The following PPP1R16B variants were observed in gnomAD, a reference collection of about 807,000 sequenced individuals.
The protein encoded by PPP1R16B is protein phosphatase 1 regulatory inhibitor subunit 16B.
A neutral mutation model predicts 61.7 loss-of-function variants in PPP1R16B; 14 were observed. The ratio of observed to expected loss-of-function variants is 0.23; its 90% CI spans 0.15 to 0.35. The LOEUF (loss-of-function observed/expected upper bound fraction) is 0.35. PPP1R16B is among the 10% of genes least tolerant of loss of function. PPP1R16B has a pLI of 1.00. For missense variants in PPP1R16B, 547 were observed against 752.5 expected (o/e 0.73, Z 3.19); for synonymous variants, 266 against 305.3 (o/e 0.87, Z 1.34).
At chr20:38,873,666 A>G (rs1317648504) in intron 2 of PPP1R16B, among the ~76,000 whole-genome samples, 1 of 151,968 alleles carries the variant, frequency 6.6e-6, no homozygotes, top group Non-Finnish European at 1.5e-5. Flanking sequence ...AGGACTGCTA[A>G]GTCCACACTA....
At position 38,902,844 on chromosome 20, in the gene PPP1R16B, C is replaced by A. The variant is rs553075792; in HGVS notation, c.696+52C>A. On this transcript the variant is annotated intron_variant, in intron 6 of 10. Transcript: ENST00000299824. ...CAAGACCAGCTAGGTCCGAAGTGGG[C>A]CAGCACCTGGTGGGGACCAACCCTG... 6.2e-6 allele frequency: 10 copies of A among 1,611,166 alleles called. No individual in the cohort carries two copies. The South Asian group carries it at 1.1e-4, about 18-fold the overall frequency.
At chr20:38,879,064 T>C (rs990227822) in intron 2 of PPP1R16B, among the ~76,000 whole-genome samples, 5 of 152,154 alleles carry the variant, frequency 3.3e-5, no homozygotes, top group African/African-American at 9.7e-5. Context: ...ATCAGGTCCC[T>C]AGGTCTGCAG....
intron 2 of PPP1R16B, among the ~76,000 whole-genome samples, chr20:38,886,241 T>C (rs990827221): frequency 2.6e-5 from 4 of 152,174 alleles, no homozygotes; most frequent in Non-Finnish European, 5.9e-5. Flanking sequence ...CCTTGGCTCA[T>C]GAGTACTAAG....
At chr20:38,870,888 G>C (rs532745036) in intron 2 of PPP1R16B, among the ~76,000 whole-genome samples, 1 of 148,458 alleles carries the variant, frequency 6.7e-6, no homozygotes, top group Non-Finnish European at 1.5e-5. Context: ...CAGCTGTGAC[G>C]GAGACTTATC....
At chr20:38,830,594 G>A (rs934043323) in intron 1 of PPP1R16B, among the ~76,000 whole-genome samples, 14 of 152,168 alleles carry the variant, frequency 9.2e-5, no homozygotes, top group Admixed American at 4.6e-4. Flanking sequence ...GCTTGCCCAG[G>A]CCAGGAGCTG....
chr20:38,860,670 C>G (rs147828710), intron 2 of PPP1R16B, among the ~76,000 whole-genome samples: 2 of 152,314 alleles, frequency 1.3e-5, no homozygotes, highest in Non-Finnish European at 2.9e-5. Context: ...GGAACAGCAT[C>G]TAGCTTTGTG....
intron 1 of PPP1R16B, among the ~76,000 whole-genome samples, chr20:38,809,397 T>C (rs2084683786): frequency 6.6e-6 from 1 of 152,172 alleles, no homozygotes; most frequent in Non-Finnish European, 1.5e-5. Context: ...ATCCCAGCCC[T>C]TGTGCTTAGC....
At chr20:38,886,472 C>T (rs1052130715) in intron 2 of PPP1R16B, among the ~76,000 whole-genome samples, 11 of 152,196 alleles carry the variant, frequency 7.2e-5, no homozygotes, top group Admixed American at 2.6e-4. Context: ...GGGATTTGAA[C>T]CCCTAGCTAA....
intron 3 of PPP1R16B, among the ~76,000 whole-genome samples, chr20:38,893,512 G>A (rs1328471939): frequency 6.6e-6 from 1 of 150,808 alleles, no homozygotes; most frequent in Non-Finnish European, 1.5e-5. Flanking sequence ...CAGAGGGTGG[G>A]GACAGCGATT....
chr20:38,836,386 C>G (rs1044107005), intron 2 of PPP1R16B, among the ~76,000 whole-genome samples: 4 of 152,160 alleles, frequency 2.6e-5, no homozygotes, highest in African/African-American at 9.7e-5. Flanking sequence ...GGGTCTCGCT[C>G]TGTCTCCCAG....
At chr20:38,895,807 CT>C in intron 4 of PPP1R16B, 97 bp downstream of exon 4, 3 of 795,646 alleles carry the variant, frequency 3.8e-6, no homozygotes, top group Admixed American at 2.7e-5. Flanking sequence ...CCTTCTTTCT[CT>C]CCTCCCTTCC....
intron 2 of PPP1R16B, among the ~76,000 whole-genome samples, chr20:38,843,890 G>A (rs1158327480): frequency 6.6e-6 from 1 of 152,166 alleles, no homozygotes; most frequent in Non-Finnish European, 1.5e-5. Context: ...GTTGTGATAT[G>A]TTATTTTGGT....
intron 1 of PPP1R16B, among the ~76,000 whole-genome samples, chr20:38,823,906 CT>C (rs1250353302): frequency 6.6e-6 from 1 of 152,096 alleles, no homozygotes; most frequent in Non-Finnish European, 1.5e-5. Flanking sequence ...CGTGGCTCAT[CT>C]TTCCTGTCTG....
At chr20:38,872,120 C>T (rs2085134367) in intron 2 of PPP1R16B, among the ~76,000 whole-genome samples, 1 of 152,200 alleles carries the variant, frequency 6.6e-6, no homozygotes, top group African/African-American at 2.4e-5. Flanking sequence ...GTGCACAGAG[C>T]CTGCTGAGGG....
intron 2 of PPP1R16B, among the ~76,000 whole-genome samples, chr20:38,876,853 A>G (rs2085171384): frequency 6.6e-6 from 1 of 152,236 alleles, no homozygotes; most frequent in Non-Finnish European, 1.5e-5. Context: ...GGTAGTACAT[A>G]TGGATTTTAA....
At position 38,907,257 on chromosome 20, in the gene PPP1R16B, G is replaced by A. The variant is rs1168260960; in HGVS notation, c.898+203G>A. 6.6e-6 allele frequency among the ~76,000 whole-genome samples: 1 copy of A among 152,148 alleles called. No homozygotes were observed. Among genetic ancestry groups the A allele is most frequent in the Non-Finnish European group, 1.5e-5 (1 of 68,032 alleles). On this transcript the variant is annotated intron_variant, in intron 8 of 10. Transcript: ENST00000299824. The surrounding 1 kb of genome is among the most constrained non-coding windows in gnomAD (Gnocchi z 4.5). The stretch of plus-strand genomic sequence containing the variant: ...TGGATAAATGGATGAATGGATGGTT[G>A]AGGTGGTAGATGGGTAGATATTATG...
rs568753297 is a variant in PPP1R16B at position 38,891,429 on chromosome 20, G to A, written c.321+1764G>A. On this transcript the variant is annotated intron_variant, in intron 3 of 10. Coordinates refer to ENST00000299824, the MANE Select transcript of PPP1R16B (RefSeq NM_015568.4). Reference sequence around the variant, plus strand: ...ATTATTTATTAAAAGTTATTAAAATGTATCATGTGACCACTTCCCTGCAAA... The same window carrying A: ...ATTATTTATTAAAAGTTATTAAAATATATCATGTGACCACTTCCCTGCAAA... Among the ~76,000 whole-genome samples the A allele has an allele frequency of 3.3e-5, 5 of 152,294 alleles. No individual in the cohort carries two copies. The East Asian group carries it at 9.6e-4, about 29-fold the overall frequency.
intron 1 of PPP1R16B, among the ~76,000 whole-genome samples, chr20:38,830,194 G>A (rs558627249): frequency 6.6e-6 from 1 of 152,358 alleles, no homozygotes; most frequent in Non-Finnish European, 1.5e-5. Flanking sequence ...CCACTCCCAT[G>A]TGTCTGTGCC....
rs1168604588 is a variant in PPP1R16B, at chr20:38,919,884, T to G, written c.*1218T>G. 1 of 152,166 alleles carries G rather than the reference T, an allele frequency of 6.6e-6. No individual in the cohort carries two copies. The highest frequency in any genetic ancestry group is 1.5e-5 in the Non-Finnish European group (1 of 68,118). 9.4% of individuals were successfully genotyped at this position (152,166 alleles called of 1,614,324 possible). The stretch of plus-strand genomic sequence containing the variant: ...ACCTCCATCAGTCATGTGTGCAGAG[T>G]CAGTGCTCGGGATCCCGGGCCCAGC... On this transcript the variant is annotated 3_prime_UTR_variant, in exon 11 of 11. Transcript: ENST00000299824.
Sources: gnomAD v4.1 joint callset for allele counts (sites outside exome capture counted in the v4.1 genomes callset) on GRCh38, gnomAD v4.1.1 for gene constraint, Gnocchi (gnomAD v3.1) non-coding constraint, MANE v1.5 for transcripts, NCBI Gene and HGNC (gene_info 2026-07-23, HGNC 2026-07-21) for gene names.